CCDC178: variants seen among roughly 807,000 people sequenced by gnomAD.
The protein encoded by CCDC178 is coiled-coil domain-containing protein 178.
In CCDC178, 126 loss-of-function variants were observed where a neutral mutation model predicts 117.4. That is an observed-to-expected ratio of 1.07 (90% confidence interval 0.93 to 1.24). The LOEUF (loss-of-function observed/expected upper bound fraction) is 1.24. Among genes scored for constraint, CCDC178 ranks in the 50% most tolerant of loss-of-function variants. The probability of loss-of-function intolerance (pLI) is 0.00; values close to 1 mark genes in which losing one functional copy is unlikely to be tolerated. For synonymous variants in CCDC178, 283 were observed against 313.4 expected (o/e 0.90, Z 1.02); for missense variants, 1,030 against 986.9 (o/e 1.04, Z -0.59).
intron 22 of CCDC178, chr18:32,958,127 A>G: frequency 2.1e-6 from 1 of 481,672 alleles, no homozygotes. Context: ...ATGAATTCTG[A>G]TGAGAAATAA....
At chr18:33,244,229 T>C (rs1340585133) in intron 15 of CCDC178, among the ~76,000 whole-genome samples, 4 of 151,458 alleles carry the variant, frequency 2.6e-5, no homozygotes. Flanking sequence ...GACTGTATAT[T>C]TTCTAGGTAT....
intron 6 of CCDC178, among the ~76,000 whole-genome samples, chr18:33,357,651 TAA>T (rs2063074304): frequency 6.6e-6 from 1 of 152,286 alleles, no homozygotes; most frequent in Middle Eastern, 3.4e-3. Context: ...AGATATATTC[TAA>T]GAGTACCTTG....
intron 12 of CCDC178, among the ~76,000 whole-genome samples, chr18:33,289,129 T>C (rs982550777): frequency 6.6e-6 from 1 of 152,172 alleles, no homozygotes; most frequent in Non-Finnish European, 1.5e-5. Flanking sequence ...GTTTTCAGCC[T>C]TGTCTATTTC....
At chr18:33,411,938 TACTATCTTTGC>T (rs1353699518) in intron 3 of CCDC178, 82 bp downstream of exon 3, 1 of 602,932 alleles carries the variant, frequency 1.7e-6, no homozygotes, top group African/African-American at 1.9e-5. Flanking sequence ...TGGAAAAGAT[TACTATCTTTGC>T]AGTTGCCCTC....
At chr18:32,989,690 TA>T (rs2055347245) in intron 21 of CCDC178, among the ~76,000 whole-genome samples, 1 of 152,120 alleles carries the variant, frequency 6.6e-6, no homozygotes, top group Non-Finnish European at 1.5e-5. Flanking sequence ...AACCATTTAA[TA>T]ATATAAAAAC....
intron 21 of CCDC178, among the ~76,000 whole-genome samples, chr18:33,050,428 G>A (rs957651696): frequency 7.2e-5 from 11 of 152,222 alleles, no homozygotes; most frequent in East Asian, 5.8e-4. Flanking sequence ...CACTGATAGC[G>A]AAATTATTAA....
At chr18:33,319,994 CAT>C (rs1367560118) in intron 11 of CCDC178, among the ~76,000 whole-genome samples, 11 of 152,172 alleles carry the variant, frequency 7.2e-5, no homozygotes, top group Non-Finnish European at 1.5e-4. Flanking sequence ...CAAAAAATCA[CAT>C]GATTATCTCA....
At chr18:32,969,778 T>G (rs1369648947) in intron 22 of CCDC178, among the ~76,000 whole-genome samples, 1 of 152,052 alleles carries the variant, frequency 6.6e-6, no homozygotes, top group African/African-American at 2.4e-5. Context: ...TAAAAATGCC[T>G]CTGCTTACTC....
chr18:33,130,057 G>T (rs1193985499), intron 20 of CCDC178, among the ~76,000 whole-genome samples: 1 of 151,660 alleles, frequency 6.6e-6, no homozygotes, highest in Non-Finnish European at 1.5e-5. Flanking sequence ...TGCTCTTTTG[G>T]CAGTGTAATA....
chr18:33,380,033 T>C (rs8085194), intron 5 of CCDC178, among the ~76,000 whole-genome samples: 145,218 of 152,212 alleles, frequency 0.95, 69,648 homozygotes, highest in Middle Eastern at 1. Context: ...CTGGTCCAGG[T>C]AAGTGGGTAC....
intron 14 of CCDC178, among the ~76,000 whole-genome samples, chr18:33,252,018 T>C (rs1414748579): frequency 1.3e-5 from 2 of 151,722 alleles, no homozygotes; most frequent in Non-Finnish European, 3.0e-5. Context: ...GATATAAAAA[T>C]GTAGTAAGGA....
At chr18:33,052,268 G>T (rs1298097421) in intron 21 of CCDC178, among the ~76,000 whole-genome samples, 1 of 152,182 alleles carries the variant, frequency 6.6e-6, no homozygotes, top group African/African-American at 2.4e-5. Flanking sequence ...CTTATTCTAT[G>T]AATTTAATGC....
chr18:33,156,824 T>A (rs1031978048), intron 20 of CCDC178, among the ~76,000 whole-genome samples: 2 of 152,064 alleles, frequency 1.3e-5, no homozygotes, highest in African/African-American at 4.8e-5. Context: ...GAGACAGAAA[T>A]AAGCTAAACA....
At chr18:33,022,592 C>A (rs1309366949) in intron 21 of CCDC178, among the ~76,000 whole-genome samples, 1 of 152,034 alleles carries the variant, frequency 6.6e-6, no homozygotes, top group South Asian at 2.1e-4. Context: ...AGATTCACTA[C>A]AATACAATAT....
intron 20 of CCDC178, among the ~76,000 whole-genome samples, chr18:33,120,396 G>T (rs2057921007): frequency 6.6e-6 from 1 of 152,056 alleles, no homozygotes; most frequent in Non-Finnish European, 1.5e-5. Flanking sequence ...GTAATGAGAG[G>T]TAGTTCTAAA....
At chr18:32,957,008 G>C (rs902582678) in intron 22 of CCDC178, among the ~76,000 whole-genome samples, 72 of 152,118 alleles carry the variant, frequency 4.7e-4, no homozygotes, top group African/African-American at 1.7e-3. Flanking sequence ...AAGAGAAAAA[G>C]AAGCCGTTTT....
chr18:32,997,491 C>T (rs2055537525), intron 21 of CCDC178, among the ~76,000 whole-genome samples: 2 of 152,114 alleles, frequency 1.3e-5, no homozygotes, highest in South Asian at 2.1e-4. Context: ...GGATGTTCAG[C>T]CTGTCAGCCT....
At chr18:33,391,847 A>G (rs1019617639) in intron 4 of CCDC178, among the ~76,000 whole-genome samples, 3 of 152,038 alleles carry the variant, frequency 2.0e-5, no homozygotes, top group Non-Finnish European at 4.4e-5. Context: ...CATTAAAGGG[A>G]AACATAGGAA....
At chr18:32,968,577 A>T (rs536455700) in intron 22 of CCDC178, among the ~76,000 whole-genome samples, 4 of 152,146 alleles carry the variant, frequency 2.6e-5, no homozygotes, top group Admixed American at 2.6e-4. Flanking sequence ...AGGAATCTCC[A>T]TACTGTTTCC....
Sources: allele counts gnomAD v4.1 joint callset (sites outside exome capture counted in the v4.1 genomes callset), GRCh38; gene constraint gnomAD v4.1.1; transcripts MANE v1.5; gene names NCBI Gene and HGNC (gene_info 2026-07-23, HGNC 2026-07-21).